Variants in MAD2L1 observed in about 807,000 individuals in gnomAD.
MAD2L1 encodes the protein mitotic arrest deficient 2 like 1, also known as mitotic spindle assembly checkpoint protein MAD2A.
A neutral mutation model predicts 25.9 loss-of-function variants in MAD2L1; 10 were observed. That is an observed-to-expected ratio of 0.39 (90% confidence interval 0.24 to 0.66). The LOEUF is 0.66. Ranked by LOEUF, MAD2L1 falls within the 30% of genes least tolerant of loss-of-function variation. The pLI, the probability that MAD2L1 is intolerant of heterozygous loss-of-function variation, is 0.49. For missense variants in MAD2L1, 180 were observed against 246.4 expected (o/e 0.73, Z 1.80); for synonymous variants, 81 against 91.8 (o/e 0.88, Z 0.67).
At chr4:120,060,402 G>T (rs1726193301) in intron 4 of MAD2L1, 112 bp from the exon 5 acceptor site, 1 of 734,286 alleles carries the variant, frequency 1.4e-6, no homozygotes, top group Non-Finnish European at 2.1e-6. Flanking sequence ...ATTTGGCTTG[G>T]TCTCCAATCA....
At chr4:120,066,406 C>A (rs1049820603) in intron 1 of MAD2L1, among the ~76,000 whole-genome samples, 1 of 151,970 alleles carries the variant, frequency 6.6e-6, no homozygotes. Context: ...CACACCGTGT[C>A]CTGTATCGGA....
chr4:120,065,942 T>G, intron 1 of MAD2L1, 124 bp from the exon 2 acceptor site: 1 of 888,526 alleles, frequency 1.1e-6, no homozygotes, highest in Non-Finnish European at 1.7e-6. Flanking sequence ...AACACACGTG[T>G]ATCTTGCTGA....
Position 120,060,060 on chromosome 4 carries a change from T to C in MAD2L1, c.*58A>G. 1 of 1,465,562 alleles carries C rather than the reference T, an allele frequency of 6.8e-7. No homozygotes were observed. The highest frequency in any genetic ancestry group is 9.3e-7 in the Non-Finnish European group (1 of 1,071,664). 90.8% of individuals were successfully genotyped at this position (1,465,562 alleles called of 1,614,324 possible). ...TAAAACATATCAACTATAGATGACT[T>C]GATTTCAGGAAAACCACATTTCAAA... On this transcript the variant is annotated 3_prime_UTR_variant, in exon 5 of 5. Transcript: ENST00000296509.
chr4:120,057,886 G>A lies in MAD2L1; in HGVS notation c.*2232C>T, dbSNP rs969653988. ...TTTTTTATTTATTATTTTTTGAGATGGAGCCTTGCTCTGTCGCCCAGGCTA... is the reference window on the plus strand; with the variant it reads ...TTTTTTATTTATTATTTTTTGAGATAGAGCCTTGCTCTGTCGCCCAGGCTA... On this transcript the variant is annotated 3_prime_UTR_variant, in exon 5 of 5. Coordinates refer to ENST00000296509, the MANE Select transcript of MAD2L1 (RefSeq NM_002358.4). 2 of 152,108 alleles carry A rather than the reference G, an allele frequency of 1.3e-5. No homozygotes were observed. The highest frequency in any genetic ancestry group is 4.8e-5 in the African/African-American group (2 of 41,420). 9.4% of individuals were successfully genotyped at this position (152,108 alleles called of 1,614,324 possible). A position where few individuals can be genotyped will look rare whatever the true frequency, so the allele number is the denominator to read the frequency against.
At chr4:120,063,882 C>T (rs560716961) in intron 2 of MAD2L1, among the ~76,000 whole-genome samples, 3 of 152,090 alleles carry the variant, frequency 2.0e-5, no homozygotes, top group African/African-American at 4.8e-5. Context: ...CGGTGGCAGG[C>T]GCTTATAATC....
In MAD2L1 at chr4:120,056,388, A is replaced by G. The variant is rs1726110672; in HGVS notation, c.*3730T>C. ...AACCTTGCTTTTCCAATAAGCTTAC[A>G]GCCTTTAGAACCAAAAGAAAGTCAT... On this transcript the variant is annotated 3_prime_UTR_variant, in exon 5 of 5. Coordinates refer to ENST00000296509, the MANE Select transcript of MAD2L1 (RefSeq NM_002358.4). The G allele has an allele frequency of 6.6e-6, 1 of 152,202 alleles. No individual in the cohort carries two copies. The highest frequency in any genetic ancestry group is 6.5e-5 in the Admixed American group (1 of 15,274). 9.4% of individuals were successfully genotyped at this position (152,202 alleles called of 1,614,324 possible).
chr4:120,059,334 A>C lies in MAD2L1; in HGVS notation c.*784T>G, dbSNP rs1726165496. On this transcript the variant is annotated 3_prime_UTR_variant, in exon 5 of 5. Coordinates refer to ENST00000296509, the MANE Select transcript of MAD2L1 (RefSeq NM_002358.4). ...TCAACTTTGGACCCTTAAGTTCTATAACTTCGTAGGAACAAGAATTCATTA... is the reference window on the plus strand; with the variant it reads ...TCAACTTTGGACCCTTAAGTTCTATCACTTCGTAGGAACAAGAATTCATTA... 6.6e-6 allele frequency: 1 copy of C among 152,192 alleles called. No individual in the cohort carries two copies. The highest frequency in any genetic ancestry group is 1.5e-5 in the Non-Finnish European group (1 of 68,014). The allele number at this position is 152,192 out of a possible 1,614,324, so 9.4% of individuals were successfully genotyped here. A position where few individuals can be genotyped will look rare whatever the true frequency, so the allele number is the denominator to read the frequency against.
chr4:120,058,880 A>G lies in MAD2L1; in HGVS notation c.*1238T>C, dbSNP rs992656312. Reference sequence around the variant, plus strand: ...AGACTATGTGCAATTACTTAAAAATAGTGAAGGTTAAATAAGTTAATACAC... The same window carrying G: ...AGACTATGTGCAATTACTTAAAAATGGTGAAGGTTAAATAAGTTAATACAC... On this transcript the variant is annotated 3_prime_UTR_variant, in exon 5 of 5. Transcript: ENST00000296509. 1 of 152,228 alleles carries G rather than the reference A, an allele frequency of 6.6e-6. No individual in the cohort carries two copies. The highest frequency in any genetic ancestry group is 1.5e-5 in the Non-Finnish European group (1 of 68,042). The allele number at this position is 152,228 out of a possible 1,614,324, so 9.4% of individuals were successfully genotyped here.
At chr4:120,063,902 C>T (rs893820790) in intron 2 of MAD2L1, among the ~76,000 whole-genome samples, 2 of 151,996 alleles carry the variant, frequency 1.3e-5, no homozygotes, top group African/African-American at 2.4e-5. Context: ...CTCAGCTACT[C>T]GGGAGGCTGT....
intron 2 of MAD2L1, among the ~76,000 whole-genome samples, chr4:120,064,713 T>A (rs1344882412): frequency 1.3e-5 from 2 of 152,166 alleles, no homozygotes; most frequent in Non-Finnish European, 2.9e-5. Flanking sequence ...GGCAAGGCAA[T>A]GTTAACAGTT....
chr4:120,058,759 A>G lies in MAD2L1; in HGVS notation c.*1359T>C, dbSNP rs553046448. 32 of 152,354 alleles carry G rather than the reference A, an allele frequency of 2.1e-4. No individual in the cohort carries two copies. Among genetic ancestry groups the G allele is most frequent in the Non-Finnish European group, 3.5e-4 (24 of 68,040 alleles). The allele number at this position is 152,354 out of a possible 1,614,324, so 9.4% of individuals were successfully genotyped here. A position where few individuals can be genotyped will look rare whatever the true frequency, so the allele number is the denominator to read the frequency against. On this transcript the variant is annotated 3_prime_UTR_variant, in exon 5 of 5. Coordinates refer to ENST00000296509, the MANE Select transcript of MAD2L1 (RefSeq NM_002358.4). ...CACCAGTGGTCCACTTATTCCATAA[A>G]GATATGAAGAGTCTACAAATTTGTC...
Position 120,066,767 on chromosome 4 carries a change from A to T in MAD2L1, c.-33T>A. On this transcript the variant is annotated 5_prime_UTR_variant, in exon 1 of 5. Transcript: ENST00000296509. ...GACACAAACAAAAGCACGCGCTTCC[A>T]CTCCGCGGACAGCAACCACAGCGGC... 1 of 1,530,826 alleles carries T rather than the reference A, an allele frequency of 6.5e-7. No individual in the cohort carries two copies. Among genetic ancestry groups the T allele is most frequent in the Non-Finnish European group, 9.0e-7 (1 of 1,111,076 alleles). The allele number at this position is 1,530,826 out of a possible 1,614,324, so 94.8% of individuals were successfully genotyped here.
In MAD2L1 at chr4:120,057,144, T is replaced by C. The variant is rs983367287; in HGVS notation, c.*2974A>G. Reference sequence around the variant, plus strand: ...CGCTCATTCATTTATGTATTGTCTATAGCTGCTTTCAGCCTCGAGTAGGTG... The same window carrying C: ...CGCTCATTCATTTATGTATTGTCTACAGCTGCTTTCAGCCTCGAGTAGGTG... On this transcript the variant is annotated 3_prime_UTR_variant, in exon 5 of 5. Transcript: ENST00000296509. The C allele has an allele frequency of 3.3e-5, 5 of 152,218 alleles. No individual in the cohort carries two copies. The highest frequency in any genetic ancestry group is 7.3e-5 in the Non-Finnish European group (5 of 68,040). 9.4% of individuals were successfully genotyped at this position (152,218 alleles called of 1,614,324 possible).
In MAD2L1 at chr4:120,057,708, T is replaced by TG. The variant is rs1233050818; in HGVS notation, c.*2409dup. 3 of 152,244 alleles carry TG rather than the reference T, an allele frequency of 2.0e-5. No homozygotes were observed. Among genetic ancestry groups the TG allele is most frequent in the African/African-American group, 7.2e-5 (3 of 41,452 alleles). 9.4% of individuals were successfully genotyped at this position (152,244 alleles called of 1,614,324 possible). A position where few individuals can be genotyped will look rare whatever the true frequency, so the allele number is the denominator to read the frequency against. ...AACCACTCACAAGTCTTTCAGCTGT[T>TG]GATTTAAACATCATCCTCCTGAGGT... On this transcript the variant is annotated 3_prime_UTR_variant, in exon 5 of 5. Coordinates refer to ENST00000296509, the MANE Select transcript of MAD2L1 (RefSeq NM_002358.4).
chr4:120,063,888 T>A (rs145875214), intron 2 of MAD2L1, among the ~76,000 whole-genome samples: 1 of 152,096 alleles, frequency 6.6e-6, no homozygotes, highest in Non-Finnish European at 1.5e-5. Context: ...CAGGCGCTTA[T>A]AATCTCAGCT....
At chr4:120,061,395 T>C (rs1173766573) in intron 3 of MAD2L1, among the ~76,000 whole-genome samples, 1 of 152,190 alleles carries the variant, frequency 6.6e-6, no homozygotes, top group East Asian at 1.9e-4. Context: ...AAATAAAACA[T>C]TAAATTGTAT....
chr4:120,063,830 T>G (rs141957823), intron 2 of MAD2L1, among the ~76,000 whole-genome samples: 2,085 of 152,140 alleles, frequency 0.014, 45 homozygotes, highest in African/African-American at 0.047. Context: ...GCCAAGATGG[T>G]GAAACCCTGT....
rs1414310050 is a variant in MAD2L1, at chr4:120,066,672, G to C, written c.63C>G (p.Ala21=). Residue 21 remains alanine, a synonymous_variant, in exon 1 of 5, where the codon GCC becomes GCG. Coordinates refer to ENST00000296509, the MANE Select transcript of MAD2L1 (RefSeq NM_002358.4). ...ITLRGSAEIV[A]EFFSFGINSI... ...TGCGCGAGAACTTACAGAAGAACTC[G>C]GCCACGATTTCGGCGCTCCCGCGCA... The C allele has an allele frequency of 6.2e-7, 1 of 1,603,354 alleles. No homozygotes were observed. Among genetic ancestry groups the C allele is most frequent in the African/African-American group, 1.3e-5 (1 of 74,782 alleles).
intron 2 of MAD2L1, among the ~76,000 whole-genome samples, chr4:120,064,324 G>A (rs13138258): frequency 0.053 from 8,134 of 152,158 alleles, 308 homozygotes; most frequent in Non-Finnish European, 0.087. Context: ...TCTTTCCTGT[G>A]TACACTTGAG....
Sources: gnomAD v4.1 joint callset for allele counts (sites outside exome capture counted in the v4.1 genomes callset) on GRCh38, gnomAD v4.1.1 for gene constraint, MANE v1.5 for transcripts, NCBI Gene and HGNC (gene_info 2026-07-23, HGNC 2026-07-21) for gene names.